FAR1: variants seen among roughly 807,000 people sequenced by gnomAD.
The protein encoded by FAR1 is fatty acyl-CoA reductase 1, also known as male sterility domain-containing protein 2.
Under a neutral mutation model 61.1 loss-of-function variants are expected in FAR1, and 22 were observed. The observed-to-expected ratio is 0.36, with a 90% CI of 0.26 to 0.51. The LOEUF is 0.51. Among genes scored for constraint, FAR1 ranks in the 20% least tolerant of loss-of-function variants. The probability of loss-of-function intolerance (pLI) is 0.95; values close to 1 mark genes in which losing one functional copy is unlikely to be tolerated. For missense variants in FAR1, 359 were observed against 626.9 expected, an observed-to-expected ratio of 0.57 and a Z score of 4.56; for synonymous variants, 206 against 209.7, an observed-to-expected ratio of 0.98 and a Z score of 0.15.
Position 13,694,882 on chromosome 11 carries a change from A to C in FAR1, c.117A>C (p.Ser39=). The change falls in exon 2 of 12, where the codon TCA becomes TCC. Residue 39 remains serine, a synonymous_variant. Coordinates refer to ENST00000354817, the MANE Select transcript of FAR1 (RefSeq NM_032228.6). ...KLLRSCPKVN[S]VYVLVRQKAG... is the part of the protein sequence containing the mutation. ...TGAGGTCTTGTCCTAAGGTGAATTC[A>C]GTATATGTTTTGGTGAGGCAGAAAG... 1 of 1,614,134 alleles carries C rather than the reference A, an allele frequency of 6.2e-7. No individual in the cohort carries two copies. Among genetic ancestry groups the C allele is most frequent in the Non-Finnish European group, 8.5e-7 (1 of 1,179,962 alleles).
chr11:13,716,576 T>C (rs971100881), intron 9 of FAR1, among the ~76,000 whole-genome samples: 1 of 152,152 alleles, frequency 6.6e-6, no homozygotes, highest in Non-Finnish European at 1.5e-5. Context: ...CAAGGATTAA[T>C]GATAGCCTTA....
chr11:13,702,940 A>G lies in FAR1; in HGVS notation c.365+2448A>G, dbSNP rs140396151. ...CTTCTCGTTATTATTTTCTTCTTTT[A>G]CTAGAGATGCCATAGCAGAAGGCAT... On this transcript the variant is annotated intron_variant, in intron 3 of 11. Coordinates refer to ENST00000354817, the MANE Select transcript of FAR1 (RefSeq NM_032228.6). Among the ~76,000 whole-genome samples, 17 of 152,306 alleles carry G rather than the reference A, an allele frequency of 1.1e-4. 1 individual carries two copies. The Middle Eastern group carries it at 0.01, about 91-fold the overall frequency.
chr11:13,711,842 T>C (rs1409914876), intron 6 of FAR1, 34 bp downstream of exon 6: 3 of 1,568,232 alleles, frequency 1.9e-6, no homozygotes, highest in Admixed American at 1.7e-5. Flanking sequence ...TAATATTCTA[T>C]ACATTTTTCT....
chr11:13,693,828 A>G (rs1309686958), intron 1 of FAR1, among the ~76,000 whole-genome samples: 1 of 151,874 alleles, frequency 6.6e-6, no homozygotes, highest in Non-Finnish European at 1.5e-5. Flanking sequence ...GGTTTAATGG[A>G]GCTATTTTTT....
rs777879150 is a variant in FAR1, at chr11:13,707,978, C to G, written c.444C>G (p.Phe148Leu). ...LAQQMKNLEV[F>L]MHVSTAYAYC... is the part of the protein sequence containing the mutation. ...AACAAATGAAGAATCTGGAAGTGTT[C>G]ATGCATGTATCAACAGCATATGCCT... The change falls in exon 4 of 12, where the codon TTC (phenylalanine) becomes TTG (leucine). Residue 148 changes from phenylalanine to leucine, a missense_variant. Phe to Leu is a conservative substitution (Grantham distance 22). Coordinates refer to ENST00000354817, the MANE Select transcript of FAR1 (RefSeq NM_032228.6). 1 of 1,609,550 alleles carries G rather than the reference C, an allele frequency of 6.2e-7. No individual in the cohort carries two copies. The highest frequency in any genetic ancestry group is 1.7e-5 in the Admixed American group (1 of 59,502).
At chr11:13,688,660 A>T (rs1270429986) in intron 1 of FAR1, among the ~76,000 whole-genome samples, 1 of 150,170 alleles carries the variant, frequency 6.7e-6, no homozygotes, top group Non-Finnish European at 1.5e-5. Flanking sequence ...TTTACATAAG[A>T]AAAAAATAAA....
intron 1 of FAR1, among the ~76,000 whole-genome samples, chr11:13,694,445 G>C (rs1848287378): frequency 6.6e-6 from 1 of 152,140 alleles, no homozygotes; most frequent in Non-Finnish European, 1.5e-5. Context: ...ATGAAGATTT[G>C]AGTTCTTATT....
Position 13,712,952 on chromosome 11 carries a change from C to A in FAR1, c.888-14C>A. 1 of 1,610,554 alleles carries A rather than the reference C, an allele frequency of 6.2e-7. No individual in the cohort carries two copies. Among genetic ancestry groups the A allele is most frequent in the African/African-American group, 1.3e-5 (1 of 74,896 alleles). ...TCTTATTATGATTAATTGGTTTCATCTTTGTCTTTGCAGACCAAGAAACAT... is the reference window on the plus strand; with the variant it reads ...TCTTATTATGATTAATTGGTTTCATATTTGTCTTTGCAGACCAAGAAACAT... On this transcript the variant is annotated splice_polypyrimidine_tract_variant and intron_variant, in intron 7 of 11. Transcript: ENST00000354817.
intron 3 of FAR1, among the ~76,000 whole-genome samples, chr11:13,702,250 A>G (rs1209589929): frequency 6.6e-6 from 1 of 152,042 alleles, no homozygotes; most frequent in Admixed American, 6.5e-5. Context: ...GTCTTTCTAT[A>G]TTTGCTGATA....
At chr11:13,683,392 CA>C (rs979271677) in intron 1 of FAR1, among the ~76,000 whole-genome samples, 60 of 135,766 alleles carry the variant, frequency 4.4e-4, no homozygotes, top group Admixed American at 8.8e-4. Flanking sequence ...GACTCCATCT[CA>C]AAAAAAAAAA....
At chr11:13,694,693 G>T in intron 1 of FAR1, 66 bp from the exon 2 acceptor site, 1 of 1,343,476 alleles carries the variant, frequency 7.4e-7, no homozygotes, top group Non-Finnish European at 1.0e-6. Context: ...AATACCAAGA[G>T]ATTTTTAGTA....
At chr11:13,714,090 A>G (rs1279160502) in intron 8 of FAR1, among the ~76,000 whole-genome samples, 1 of 152,146 alleles carries the variant, frequency 6.6e-6, no homozygotes, top group Non-Finnish European at 1.5e-5. Context: ...CTGTTAATGT[A>G]TGTTAATTTG....
rs1177056292 is a variant in FAR1, at chr11:13,723,299, A to G, written c.1257+1440A>G. The G allele has an allele frequency of 2.0e-5, 7 of 355,994 alleles. No individual in the cohort carries two copies. The Admixed American group carries it at 2.5e-4, about 13-fold the overall frequency. 22.1% of individuals were successfully genotyped at this position (355,994 alleles called of 1,614,324 possible). ...AGGATCAGTTGAGCCCGGGAGGTCA[A>G]GGCTGCAGTGAGATGTGATCACGTC... On this transcript the variant is annotated intron_variant, in intron 10 of 11. Transcript: ENST00000354817.
intron 1 of FAR1, among the ~76,000 whole-genome samples, chr11:13,690,204 A>G (rs1279615636): frequency 6.6e-6 from 1 of 151,904 alleles, no homozygotes; most frequent in African/African-American, 2.4e-5. Flanking sequence ...GCCCATTTGT[A>G]TACTTTCTTT....
At chr11:13,726,315 A>G (rs184793726) in intron 10 of FAR1, among the ~76,000 whole-genome samples, 5 of 152,204 alleles carry the variant, frequency 3.3e-5, no homozygotes, top group African/African-American at 1.2e-4. Context: ...TAAATCTAGA[A>G]TCATTCTCCT....
At chr11:13,699,552 CAA>C (rs1171246177) in intron 2 of FAR1, among the ~76,000 whole-genome samples, 2 of 152,102 alleles carry the variant, frequency 1.3e-5, no homozygotes, top group Admixed American at 1.3e-4. Flanking sequence ...AATGGAGAGT[CAA>C]AGTGTGATAG....
rs1216945557 is a variant in FAR1 at position 13,714,591 on chromosome 11, T to G, written c.1038T>G (p.His346Gln). 13 of 1,613,486 alleles carry G rather than the reference T, an allele frequency of 8.1e-6. No individual in the cohort carries two copies. Among genetic ancestry groups the G allele is most frequent in the African/African-American group, 1.3e-5 (1 of 74,868 alleles). The change falls in exon 9 of 12, where the codon CAT (histidine) becomes CAG (glutamine). Residue 346 changes from histidine to glutamine, a missense_variant. His to Gln is a conservative substitution (Grantham distance 24). Around this residue, in one of 2 missense-constraint regions of FAR1, gnomAD observed 344 missense variants for 570.3 expected, o/e 0.60. Coordinates refer to ENST00000354817, the MANE Select transcript of FAR1 (RefSeq NM_032228.6). ...CCAATGTAAATCTAACCTCCAATCA[T>G]CTTTTATATCATTACTGGATTGCTG... ...RRPNVNLTSN[H>Q]LLYHYWIAVS...
intron 11 of FAR1, 74 bp downstream of exon 11, chr11:13,727,757 G>C: frequency 7.3e-7 from 1 of 1,376,740 alleles, no homozygotes. Flanking sequence ...TGGTAAACTG[G>C]TATATTTGCT....
intron 3 of FAR1, 36 bp downstream of exon 3, chr11:13,700,528 G>A: frequency 1.6e-6 from 2 of 1,235,526 alleles, no homozygotes; most frequent in Non-Finnish European, 2.2e-6. Context: ...TTGAACTTCA[G>A]TATAGTTATT....
Sources: allele counts gnomAD v4.1 joint callset (sites outside exome capture counted in the v4.1 genomes callset), GRCh38; gene constraint gnomAD v4.1.1; regional missense constraint gnomAD v4.1.1; transcripts MANE v1.5; gene names NCBI Gene and HGNC (gene_info 2026-07-23, HGNC 2026-07-21).